Variants in RTN4 observed in about 807,000 individuals in gnomAD.
The protein encoded by RTN4 is reticulon-4.
In RTN4, 32 loss-of-function variants were observed where a neutral mutation model predicts 90.4. That is an observed-to-expected ratio of 0.35 (90% CI 0.27 to 0.48). RTN4 has a LOEUF of 0.48. Among genes scored for constraint, RTN4 ranks in the 20% least tolerant of loss-of-function variants. The pLI, the probability that RTN4 is intolerant of heterozygous loss-of-function variation, is 0.99. For missense variants in RTN4, 1,706 were observed against 1,430.2 expected, an observed-to-expected ratio of 1.19 and a Z score of -3.11; for synonymous variants, 629 against 552.5, an observed-to-expected ratio of 1.14 and a Z score of -1.94.
chr2:55,123,515 A>G, the RTN4 span, among the ~76,000 whole-genome samples: 1 of 152,148 alleles, frequency 6.6e-6, no homozygotes, highest in African/African-American at 2.4e-5. Context: ...GCCAAAAATG[A>G]CTGTCACTTT....
intron 1 of RTN4, among the ~76,000 whole-genome samples, chr2:55,031,889 T>A (rs967457133): frequency 1.3e-5 from 2 of 152,152 alleles, no homozygotes; most frequent in Non-Finnish European, 2.9e-5. Context: ...CACCCTAACT[T>A]TAAAATCAAA....
chr2:55,040,040 A>G (rs2104934888), intron 1 of RTN4, among the ~76,000 whole-genome samples: 1 of 152,308 alleles, frequency 6.6e-6, no homozygotes, highest in South Asian at 2.1e-4. Context: ...GCAGTTTCTC[A>G]GTCCTTGTTC....
intron 5 of RTN4, among the ~76,000 whole-genome samples, chr2:54,981,165 G>C (rs1573282616): frequency 1.3e-5 from 2 of 152,022 alleles, no homozygotes; most frequent in African/African-American, 2.4e-5. Context: ...TAAGTTCCAA[G>C]TCATAAATAA....
At chr2:55,065,633 A>G (rs528695817) in intron 2 of RTN4, among the ~76,000 whole-genome samples, 1 of 152,350 alleles carries the variant, frequency 6.6e-6, no homozygotes, top group South Asian at 2.1e-4. Flanking sequence ...TCAACCCTAG[A>G]GAACCCACGT....
intron 2 of RTN4, among the ~76,000 whole-genome samples, chr2:55,069,062 A>T (rs1393821585): frequency 1.3e-5 from 2 of 152,234 alleles, no homozygotes; most frequent in East Asian, 3.8e-4. Context: ...GGAGAGGGCA[A>T]ATAACATCTT....
At chr2:55,031,391 A>G (rs1682304325) in intron 1 of RTN4, among the ~76,000 whole-genome samples, 1 of 152,208 alleles carries the variant, frequency 6.6e-6, no homozygotes, top group Admixed American at 6.5e-5. Flanking sequence ...GTTGTCTGGA[A>G]TTTGTGAGAC....
chr2:55,041,245 AT>A (rs1377416251), intron 1 of RTN4, among the ~76,000 whole-genome samples: 5 of 152,118 alleles, frequency 3.3e-5, no homozygotes, highest in South Asian at 2.1e-4. Flanking sequence ...TATATGCTAA[AT>A]TTTTTTTAAA....
chr2:55,041,897 A>G (rs2104943265), intron 1 of RTN4, among the ~76,000 whole-genome samples: 1 of 152,186 alleles, frequency 6.6e-6, no homozygotes, highest in South Asian at 2.1e-4. Flanking sequence ...AAAAATTTCT[A>G]AACAGAAAAA....
chr2:55,063,175 A>C (rs747099688), intron 2 of RTN4, among the ~76,000 whole-genome samples: 1 of 152,260 alleles, frequency 6.6e-6, no homozygotes, highest in Non-Finnish European at 1.5e-5. Flanking sequence ...ACAGCAAAGA[A>C]GATAATAAAA....
At chr2:55,102,301 C>T (rs144040618) in intron 1 of RTN4, among the ~76,000 whole-genome samples, 1 of 152,120 alleles carries the variant, frequency 6.6e-6, no homozygotes, top group African/African-American at 2.4e-5. Context: ...CTACTTTAGG[C>T]CAGGGGGTAG....
chr2:54,988,241 C>T (rs571458624), intron 3 of RTN4, among the ~76,000 whole-genome samples: 9 of 152,216 alleles, frequency 5.9e-5, no homozygotes, highest in East Asian at 1.9e-4. Context: ...CGCTTGAACC[C>T]GGGAGGCAGA....
intron 3 of RTN4, chr2:55,010,187 GCA>G: frequency 6.2e-7 from 1 of 1,608,418 alleles, no homozygotes; most frequent in South Asian, 1.1e-5. Context: ...AGCTGTAACT[GCA>G]CAAACCTACT....
At chr2:54,985,975 G>A (rs1372655055) in intron 4 of RTN4, among the ~76,000 whole-genome samples, 1 of 152,208 alleles carries the variant, frequency 6.6e-6, no homozygotes, top group Admixed American at 6.5e-5. Context: ...CTTAGTTAAT[G>A]CAGTAGGAAC....
chr2:55,112,742 T>C (rs1269104229), upstream of RTN4: 4 of 152,386 alleles, frequency 2.6e-5, no homozygotes, highest in African/African-American at 7.2e-5. Flanking sequence ...AGAACTCCAA[T>C]TGTATCATCA....
chr2:55,028,082 A>T (rs944884113), intron 2 of RTN4, 82 bp downstream of exon 2: 10 of 1,214,686 alleles, frequency 8.2e-6, no homozygotes, highest in Non-Finnish European at 1.1e-5. Flanking sequence ...TAGTAAACCC[A>T]AACTACTCTG....
intron 3 of RTN4, among the ~76,000 whole-genome samples, chr2:55,022,896 A>ACACACACACAC (rs1681543432): frequency 2.9e-5 from 4 of 137,474 alleles, no homozygotes; most frequent in Non-Finnish European, 4.7e-5. Context: ...TTCAACATCC[A>ACACACACACAC]ACACACACAC....
chr2:55,103,788 G>A (rs1413347401), intron 1 of RTN4, among the ~76,000 whole-genome samples: 3 of 151,820 alleles, frequency 2.0e-5, no homozygotes, highest in Non-Finnish European at 4.4e-5. Context: ...TCCACCTCCC[G>A]GGTTCAAACG....
Position 55,082,950 on chromosome 2 carries a change from C to CA in RTN4, c.-213-2312dup, listed in dbSNP as rs1003657642. 6.1e-5 allele frequency among the ~76,000 whole-genome samples: 9 copies of CA among 147,672 alleles called. 1 individual carries two copies. The highest frequency in any genetic ancestry group is 2.0e-4 in the East Asian group (1 of 5,084). ...TGGGCAACAGAACGAGACTCCGTCTCAAAAAAAAAAGAAGTAGCATTTCTG... is the reference window on the plus strand; with the variant it reads ...TGGGCAACAGAACGAGACTCCGTCTCAAAAAAAAAAAGAAGTAGCATTTCTG... On this transcript the variant is annotated intron_variant, in intron 1 of 3. Coordinates refer to the RTN4 transcript ENST00000427710.
At chr2:55,038,227 A>G (rs904394422) in intron 1 of RTN4, among the ~76,000 whole-genome samples, 36 of 152,312 alleles carry the variant, frequency 2.4e-4, no homozygotes, top group African/African-American at 8.7e-4. Context: ...GGAGGCAAAG[A>G]TGTCTTAGAC....
Sources: gnomAD v4.1 joint callset for allele counts (sites outside exome capture counted in the v4.1 genomes callset) on GRCh38, gnomAD v4.1.1 for gene constraint, MANE v1.5 for transcripts, NCBI Gene and HGNC (gene_info 2026-07-23, HGNC 2026-07-21) for gene names.